TCF4: variants seen among roughly 807,000 people sequenced by gnomAD.
TCF4 encodes the protein transcription factor 4.
A neutral mutation model predicts 82.1 loss-of-function variants in TCF4; 3 were observed. The ratio of observed to expected loss-of-function variants is 0.04; its 90% confidence interval spans 0.02 to 0.09. TCF4 has a LOEUF of 0.09. Among genes scored for constraint, TCF4 ranks in the 10% least tolerant of loss-of-function variants. TCF4 has a pLI of 1.00. For synonymous variants in TCF4, 276 were observed against 309.6 expected (o/e 0.89, Z 1.14); for missense variants, 518 against 852.7 (o/e 0.61, Z 4.89).
At position 55,240,418 on chromosome 18, in the gene TCF4, T is replaced by C. The variant is rs545099093; in HGVS notation, c.1351-5735A>G. Among the ~76,000 whole-genome samples the C allele has an allele frequency of 8.7e-4, 133 of 152,352 alleles. 2 individuals are homozygous for C. In the South Asian group the frequency reaches 0.027, roughly 31 times the overall value. ...ATGAAATATCAATTATACATGACAGTTGTAGAGTACTAGATTTCAGTTTCA... is the reference window on the plus strand; with the variant it reads ...ATGAAATATCAATTATACATGACAGCTGTAGAGTACTAGATTTCAGTTTCA... On this transcript the variant is annotated intron_variant, in intron 15 of 19. Coordinates refer to ENST00000354452, the MANE Select transcript of TCF4 (RefSeq NM_001083962.2).
At chr18:55,463,181 A>G (rs1279482685) in intron 4 of TCF4, among the ~76,000 whole-genome samples, 1 of 152,226 alleles carries the variant, frequency 6.6e-6, no homozygotes, top group Non-Finnish European at 1.5e-5. Context: ...CATTGTATGT[A>G]CATCATAAAA....
intron 14 of TCF4, among the ~76,000 whole-genome samples, chr18:55,256,675 T>C (rs1225820469): frequency 6.6e-6 from 1 of 152,148 alleles, no homozygotes; most frequent in East Asian, 1.9e-4. Flanking sequence ...CTTACTGCTA[T>C]TCCTTCCCGC....
intron 3 of TCF4, among the ~76,000 whole-genome samples, chr18:55,536,749 T>C (rs1603619952): frequency 6.6e-6 from 1 of 152,212 alleles, no homozygotes; most frequent in African/African-American, 2.4e-5. Context: ...TGAGTTTCAT[T>C]GCCAGTAAAA....
At chr18:55,278,466 C>G (rs533804094) in intron 9 of TCF4, among the ~76,000 whole-genome samples, 6 of 152,174 alleles carry the variant, frequency 3.9e-5, no homozygotes, top group Non-Finnish European at 8.8e-5. Context: ...CAGGATGGAG[C>G]CCTTAGGGGC....
At chr18:55,289,437 A>G (rs1227148414) in intron 8 of TCF4, among the ~76,000 whole-genome samples, 1 of 152,224 alleles carries the variant, frequency 6.6e-6, no homozygotes, top group Non-Finnish European at 1.5e-5. Flanking sequence ...ATTAAACATT[A>G]TTGCTTCTGG....
At chr18:55,441,414 C>A (rs1322886793) in intron 5 of TCF4, among the ~76,000 whole-genome samples, 1 of 152,192 alleles carries the variant, frequency 6.6e-6, no homozygotes, top group Non-Finnish European at 1.5e-5. Context: ...CACTATTTTT[C>A]TTTCTTTAAC....
chr18:55,360,972 G>A (rs147117695), intron 6 of TCF4, among the ~76,000 whole-genome samples: 226 of 152,086 alleles, frequency 1.5e-3, no homozygotes, highest in African/African-American at 4.6e-3. Context: ...TGATCCACCC[G>A]CGCTGGCCTC....
At chr18:55,597,678 G>C (rs2097692524) in intron 2 of TCF4, among the ~76,000 whole-genome samples, 1 of 151,332 alleles carries the variant, frequency 6.6e-6, no homozygotes, top group African/African-American at 2.4e-5. Context: ...AAAAAAAAAA[G>C]GTAAAAGTTT....
At position 55,231,014 on chromosome 18, in the gene TCF4, A is replaced by G. The variant is rs946244451; in HGVS notation, c.1649+1495T>C. On this transcript the variant is annotated intron_variant, in intron 17 of 19. Transcript: ENST00000354452. ...GCCTTTCCAGATGGCACTGTCTGCC[A>G]CAGGTGTGTATGGTAAACATGGAAG... 3 of 152,384 alleles carry G rather than the reference A, an allele frequency of 2.0e-5. No homozygotes were observed. The East Asian group carries it at 5.8e-4, about 29-fold the overall frequency. The allele number at this position is 152,384 out of a possible 1,614,324, so 9.4% of individuals were successfully genotyped here. A position where few individuals can be genotyped will look rare whatever the true frequency, so the allele number is the denominator to read the frequency against.
chr18:55,319,776 A>C (rs1293331178), intron 8 of TCF4, among the ~76,000 whole-genome samples: 1 of 152,168 alleles, frequency 6.6e-6, no homozygotes, highest in Non-Finnish European at 1.5e-5. Flanking sequence ...GGTGGAGGCA[A>C]CTGGCAAGCT....
chr18:55,298,216 G>A (rs990080321), intron 8 of TCF4, among the ~76,000 whole-genome samples: 2 of 152,268 alleles, frequency 1.3e-5, no homozygotes, highest in Middle Eastern at 3.4e-3. Flanking sequence ...CCTCTGTGAG[G>A]GTAGCCAGAT....
At chr18:55,399,312 T>C (rs865949618) in intron 6 of TCF4, among the ~76,000 whole-genome samples, 15 of 152,194 alleles carry the variant, frequency 9.9e-5, no homozygotes, top group South Asian at 6.2e-4. Context: ...GAAAATATGT[T>C]TCCTCCCTGG....
intron 3 of TCF4, among the ~76,000 whole-genome samples, chr18:55,474,586 G>T (rs2096251776): frequency 6.6e-6 from 1 of 152,072 alleles, no homozygotes; most frequent in South Asian, 2.1e-4. Context: ...GGCACTACAT[G>T]GTGATCTCCA....
At chr18:55,546,165 G>A (rs187787826) in intron 3 of TCF4, among the ~76,000 whole-genome samples, 18 of 151,928 alleles carry the variant, frequency 1.2e-4, no homozygotes, top group Admixed American at 5.2e-4. Flanking sequence ...GTGAGACCTC[G>A]TCTCCACAAA....
intron 8 of TCF4, among the ~76,000 whole-genome samples, chr18:55,306,439 A>G (rs2070369575): frequency 6.6e-6 from 1 of 152,256 alleles, no homozygotes; most frequent in Non-Finnish European, 1.5e-5. Flanking sequence ...GTTTGATCAA[A>G]GAACTTCAAT....
In TCF4 at chr18:55,222,292, CAGT is replaced by C. The variant is rs1489810347; in HGVS notation, c.*5740_*5742del. On this transcript the variant is annotated 3_prime_UTR_variant, in exon 20 of 20. Coordinates refer to ENST00000354452, the MANE Select transcript of TCF4 (RefSeq NM_001083962.2). ...AGGCACATTCCCCCCCACCCCTTTT[CAGT>C]AGTAGTTATATGATCAAATATAATA... 6.6e-6 allele frequency: 1 copy of C among 152,124 alleles called. No homozygotes were observed. Among genetic ancestry groups the C allele is most frequent in the Non-Finnish European group, 1.5e-5 (1 of 68,004 alleles). The allele number at this position is 152,124 out of a possible 1,614,324, so 9.4% of individuals were successfully genotyped here. A position where few individuals can be genotyped will look rare whatever the true frequency, so the allele number is the denominator to read the frequency against.
chr18:55,589,416 G>A, upstream of TCF4: 2 of 1,055,548 alleles, frequency 1.9e-6, no homozygotes, highest in South Asian at 4.6e-5. Context: ...TATTTTAACT[G>A]GTACTCAGTC....
chr18:55,486,364 G>A (rs1002183525), intron 3 of TCF4, among the ~76,000 whole-genome samples: 4 of 152,136 alleles, frequency 2.6e-5, no homozygotes, highest in African/African-American at 9.7e-5. Context: ...GGCTGAGGTG[G>A]GCAGATGGCT....
chr18:55,271,592 G>A (rs1388363588), intron 10 of TCF4, among the ~76,000 whole-genome samples: 1 of 152,106 alleles, frequency 6.6e-6, no homozygotes, highest in Non-Finnish European at 1.5e-5. Context: ...TTGAGATGAT[G>A]CCTTTAAATC....
Sources: allele counts gnomAD v4.1 joint callset (sites outside exome capture counted in the v4.1 genomes callset), GRCh38; gene constraint gnomAD v4.1.1; transcripts MANE v1.5; gene names NCBI Gene and HGNC (gene_info 2026-07-23, HGNC 2026-07-21).